ZNF618: variants seen among roughly 807,000 people sequenced by gnomAD.
ZNF618 encodes the protein zinc finger protein 618, also known as neural precursor cell expressed, developmentally down-regulated 10.
A neutral mutation model predicts 103.0 loss-of-function variants in ZNF618; 34 were observed. The ratio of observed to expected loss-of-function variants is 0.33; its 90% confidence interval spans 0.25 to 0.44. The LOEUF (loss-of-function observed/expected upper bound fraction) is 0.44, where lower values mean the gene tolerates loss of function less well. ZNF618 is among the 20% of genes least tolerant of loss of function. The probability of loss-of-function intolerance (pLI) is 1.00; values close to 1 mark genes in which losing one functional copy is unlikely to be tolerated. For synonymous variants in ZNF618, 551 were observed against 542.2 expected (o/e 1.02, Z -0.23); for missense variants, 1,059 against 1,295.4 (o/e 0.82, Z 2.80).
rs1179750379 is a variant in ZNF618 at position 114,029,096 on chromosome 9, G to A, written c.1084+124G>A. The A allele has an allele frequency of 1.0e-5, 14 of 1,369,850 alleles. No individual in the cohort carries two copies. The Middle Eastern group carries it at 7.3e-4, about 72-fold the overall frequency. The allele number at this position is 1,369,850 out of a possible 1,614,324, so 84.9% of individuals were successfully genotyped here. On this transcript the variant is annotated intron_variant, in intron 11 of 14. Transcript: ENST00000374126. ...AGAGTGGCAGTCCCGTAGTGATCTG[G>A]GACAAATCTGAGTCCCAGCTCTGCC...
intron 1 of ZNF618, among the ~76,000 whole-genome samples, chr9:113,892,041 G>A (rs1329681153): frequency 2.0e-5 from 3 of 152,188 alleles, no homozygotes; most frequent in Non-Finnish European, 4.4e-5. Flanking sequence ...AATGGAAAGT[G>A]AAATGGTAGT....
At chr9:113,949,670 G>T (rs1835360470) in intron 1 of ZNF618, among the ~76,000 whole-genome samples, 1 of 152,174 alleles carries the variant, frequency 6.6e-6, no homozygotes, top group Non-Finnish European at 1.5e-5. Flanking sequence ...CAGGTCTCTG[G>T]CCCTACATGG....
intron 1 of ZNF618, among the ~76,000 whole-genome samples, chr9:113,930,289 A>G (rs1343142077): frequency 6.6e-6 from 1 of 152,196 alleles, no homozygotes; most frequent in East Asian, 1.9e-4. Context: ...AGCGTTGCAC[A>G]TGCTTTGTTT....
intron 3 of ZNF618, among the ~76,000 whole-genome samples, chr9:113,989,322 G>A (rs1462187400): frequency 1.3e-5 from 2 of 152,218 alleles, no homozygotes; most frequent in Admixed American, 1.3e-4. Flanking sequence ...TGGGGATACG[G>A]CTCAGCGTTG....
At chr9:113,947,003 T>G (rs1031404319) in intron 1 of ZNF618, among the ~76,000 whole-genome samples, 1 of 152,212 alleles carries the variant, frequency 6.6e-6, no homozygotes, top group Non-Finnish European at 1.5e-5. Flanking sequence ...ATCTGTGTTC[T>G]GTTTTGGGGA....
At chr9:113,926,877 G>T (rs1833145979) in intron 1 of ZNF618, among the ~76,000 whole-genome samples, 5 of 152,188 alleles carry the variant, frequency 3.3e-5, no homozygotes, top group Non-Finnish European at 1.5e-5. Context: ...GCTGAGTATG[G>T]TGGCATGTGC....
At chr9:114,029,619 T>C (rs189619689) in intron 11 of ZNF618, among the ~76,000 whole-genome samples, 15 of 151,518 alleles carry the variant, frequency 9.9e-5, no homozygotes, top group African/African-American at 3.2e-4. Flanking sequence ...CTCCCACCTT[T>C]CAGAAAACTT....
intron 10 of ZNF618, chr9:114,028,376 T>G: frequency 4.4e-6 from 1 of 229,178 alleles, no homozygotes; most frequent in Non-Finnish European, 8.6e-6. Context: ...CAGCCTTCCT[T>G]TAAAGGAAAA....
At chr9:113,996,637 G>A (rs1377461833) in intron 3 of ZNF618, among the ~76,000 whole-genome samples, 1 of 152,152 alleles carries the variant, frequency 6.6e-6, no homozygotes, top group Non-Finnish European at 1.5e-5. Flanking sequence ...AGTTGGGATG[G>A]CGACTGTTGC....
At chr9:113,929,784 AC>A (rs1322551897) in intron 1 of ZNF618, among the ~76,000 whole-genome samples, 1 of 152,200 alleles carries the variant, frequency 6.6e-6, no homozygotes, top group Non-Finnish European at 1.5e-5. Flanking sequence ...TTCACTTGTT[AC>A]CCGAGATAAG....
chr9:113,922,479 T>G (rs1249790925), intron 1 of ZNF618, among the ~76,000 whole-genome samples: 1 of 39,144 alleles, frequency 2.6e-5, no homozygotes, highest in Non-Finnish European at 7.3e-5. Context: ...TTTGGTTTGT[T>G]TTTTTTTTTT....
At chr9:114,027,112 A>C (rs1326361184) in intron 10 of ZNF618, among the ~76,000 whole-genome samples, 1 of 152,200 alleles carries the variant, frequency 6.6e-6, no homozygotes, top group African/African-American at 2.4e-5. Context: ...GTGGGTTAAA[A>C]AAAAAAATTG....
At chr9:113,958,403 C>T (rs547590422) in intron 1 of ZNF618, among the ~76,000 whole-genome samples, 21 of 152,280 alleles carry the variant, frequency 1.4e-4, no homozygotes, top group African/African-American at 4.8e-4. Flanking sequence ...GGCTGGCACA[C>T]GGGAGGTGCC....
At chr9:114,005,396 C>T (rs1841647714) in intron 6 of ZNF618, among the ~76,000 whole-genome samples, 1 of 152,212 alleles carries the variant, frequency 6.6e-6, no homozygotes, top group South Asian at 2.1e-4. Flanking sequence ...GGAGCGGGCT[C>T]CCCATCCATG....
intron 1 of ZNF618, among the ~76,000 whole-genome samples, chr9:113,950,210 C>G (rs892781118): frequency 6.6e-6 from 1 of 152,188 alleles, no homozygotes; most frequent in Admixed American, 6.5e-5. Context: ...TGCTGGCAGG[C>G]TGGCATCTCT....
chr9:113,966,554 C>A (rs573651569), intron 1 of ZNF618, among the ~76,000 whole-genome samples: 42 of 152,302 alleles, frequency 2.8e-4, no homozygotes, highest in South Asian at 1.2e-3. Flanking sequence ...ACAGACCACA[C>A]CGGCCTGGCG....
At chr9:114,012,969 C>T (rs1303077176) in intron 9 of ZNF618, among the ~76,000 whole-genome samples, 1 of 149,104 alleles carries the variant, frequency 6.7e-6, no homozygotes, top group Non-Finnish European at 1.5e-5. Context: ...ACATAGATCT[C>T]AGTGACTTTT....
chr9:113,892,978 C>G (rs1829742714), intron 1 of ZNF618, among the ~76,000 whole-genome samples: 1 of 152,220 alleles, frequency 6.6e-6, no homozygotes, highest in Non-Finnish European at 1.5e-5. Context: ...CTGTTTATCA[C>G]TTTAAAGTAA....
At chr9:113,991,161 G>C (rs1588260645) in intron 3 of ZNF618, among the ~76,000 whole-genome samples, 1 of 152,200 alleles carries the variant, frequency 6.6e-6, no homozygotes, top group African/African-American at 2.4e-5. Context: ...TGCCTGCACA[G>C]TGAGAGCCCC....
Sources: allele counts gnomAD v4.1 joint callset (sites outside exome capture counted in the v4.1 genomes callset), GRCh38; gene constraint gnomAD v4.1.1; transcripts MANE v1.5; gene names NCBI Gene and HGNC (gene_info 2026-07-23, HGNC 2026-07-21).